The following NCOR2 variants were observed in gnomAD, a reference collection of about 807,000 sequenced individuals.
NCOR2 encodes the protein nuclear receptor corepressor 2, also known as CTG repeat protein 26.
NCOR2 carries 81 observed loss-of-function variants against 262.9 expected under a neutral mutation model. That is an observed-to-expected ratio of 0.31 (90% CI 0.26 to 0.37). NCOR2 has a LOEUF of 0.37. Ranked by LOEUF, NCOR2 falls within the 10% of genes least tolerant of loss-of-function variation. NCOR2 has a pLI of 1.00. For synonymous variants in NCOR2, 1,659 were observed against 1,559.3 expected, an observed-to-expected ratio of 1.06 and a Z score of -1.51; for missense variants, 3,385 against 3,621.4, an observed-to-expected ratio of 0.93 and a Z score of 1.68.
rs1487838492 is a variant in NCOR2, at chr12:124,378,995, AG to A, written c.2020-612del. ...ACAGAAGCAGCACTCAGAGGATCAG[AG>A]GGTCGCGTGGGTGAAACAGGATGGG... On this transcript the variant is annotated intron_variant, in intron 17 of 46. Transcript: ENST00000405201. This position sits in a 1 kb window ranked among gnomAD's most constrained non-coding sequence, Gnocchi z 4.2. Among the ~76,000 whole-genome samples the A allele has an allele frequency of 6.6e-6, 1 of 152,270 alleles. No homozygotes were observed. Among genetic ancestry groups the A allele is most frequent in the African/African-American group, 2.4e-5 (1 of 41,474 alleles).
At chr12:124,532,313 A>T (rs2050844916) in intron 1 of NCOR2, among the ~76,000 whole-genome samples, 1 of 151,912 alleles carries the variant, frequency 6.6e-6, no homozygotes, top group South Asian at 2.1e-4. Context: ...GGCCCCACAG[A>T]GCTGCCAAGT....
At position 124,378,204 on chromosome 12, in the gene NCOR2, T is replaced by G. The variant is rs200581495; in HGVS notation, c.2167+33A>C. On this transcript the variant is annotated intron_variant, in intron 18 of 46. Coordinates refer to ENST00000405201, the Ensembl canonical transcript of NCOR2. This position sits in a 1 kb window ranked among gnomAD's most constrained non-coding sequence, Gnocchi z 4.2. ...CTCCCTCAGAGCTCGGACCCACAGC[T>G]GCCAGCCACCTCCAAGCCGCGCCAG... is the stretch of plus-strand genomic sequence containing the variant. The G allele has an allele frequency of 5.8e-4, 932 of 1,605,108 alleles. No homozygotes were observed. The highest frequency in any genetic ancestry group is 7.2e-4 in the Non-Finnish European group (847 of 1,174,192).
Position 124,457,208 on chromosome 12 carries a change from A to G in NCOR2, c.706-46T>C. 2 of 1,529,806 alleles carry G rather than the reference A, an allele frequency of 1.3e-6. No individual in the cohort carries two copies. Among genetic ancestry groups the G allele is most frequent in the Non-Finnish European group, 1.7e-6 (2 of 1,145,658 alleles). The allele number at this position is 1,529,806 out of a possible 1,614,324, so 94.8% of individuals were successfully genotyped here. On this transcript the variant is annotated intron_variant, in intron 5 of 46. Transcript: ENST00000405201. This position sits in a 1 kb window ranked among gnomAD's most constrained non-coding sequence, Gnocchi z 4.0. Reference sequence around the variant, plus strand: ...GGAGGAATTTTTTTAAAAAACAAAAAAACACAGATTATAAATAGAGGCTTC... The same window carrying G: ...GGAGGAATTTTTTTAAAAAACAAAAGAACACAGATTATAAATAGAGGCTTC...
At position 124,548,667 on chromosome 12, in the gene NCOR2, C is replaced by T. The variant is rs892739235; in HGVS notation, c.-164-13056G>A. 1.2e-4 allele frequency among the ~76,000 whole-genome samples: 18 copies of T among 151,978 alleles called. No individual in the cohort carries two copies. Among genetic ancestry groups the T allele is most frequent in the South Asian group, 4.2e-4 (2 of 4,812 alleles). On this transcript the variant is annotated intron_variant, in intron 1 of 32. Transcript: ENST00000458234. This position sits in a 1 kb window ranked among gnomAD's most constrained non-coding sequence, Gnocchi z 5.1. ...GTTATTTTTTTCTGTGCTGTTAGGG[C>T]GGGGCGGGGGATCTCCATGGCAGGG... is the stretch of plus-strand genomic sequence containing the variant.
rs780940395 is a variant in NCOR2, at chr12:124,350,661, C to T, written c.3770G>A (p.Arg1257His). The change falls in exon 28 of 47, where the codon CGC becomes CAC. Residue 1257 changes from arginine (R) to histidine (H), a missense_variant. Physicochemically the swap from Arg to His is conservative, Grantham distance 29. Coordinates refer to ENST00000405201, the Ensembl canonical transcript of NCOR2. ...CTTGGGCAGGCTGTCCTCCCGGCCG[C>T]GGTCCAAGCGACTCGGGCTGTCCTC... 1.2e-5 allele frequency: 20 copies of T among 1,613,730 alleles called. No homozygotes were observed. In the East Asian group the frequency reaches 1.6e-4, roughly 13 times the overall value.
At chr12:124,445,580 G>T (rs1220145330) in intron 7 of NCOR2, among the ~76,000 whole-genome samples, 1 of 152,194 alleles carries the variant, frequency 6.6e-6, no homozygotes, top group Non-Finnish European at 1.5e-5. Context: ...CCACCTAGAA[G>T]CAATGACAGC....
chr12:124,365,494 A>G (rs2038958359), intron 20 of NCOR2, among the ~76,000 whole-genome samples: 1 of 152,016 alleles, frequency 6.6e-6, no homozygotes, highest in Non-Finnish European at 1.5e-5. Flanking sequence ...CCCTCCTTCA[A>G]TCTCTGCCAT....
exon 38 of NCOR2, chr12:124,336,836 G>A (rs1458550598): frequency 6.2e-7 from 1 of 1,612,692 alleles, no homozygotes; most frequent in Non-Finnish European, 8.5e-7. Context: ...CGAGGCAGGT[G>A]GCGCCGGCGG....
At chr12:124,354,326 C>T in intron 26 of NCOR2, 130 bp from the exon 29 acceptor site, 2 of 1,170,654 alleles carry the variant, frequency 1.7e-6, no homozygotes, top group Non-Finnish European at 2.4e-6. Flanking sequence ...AGGGAGTCCC[C>T]CTACCCCTAA....
chr12:124,508,117 TC>T (rs1372029532), intron 1 of NCOR2, among the ~76,000 whole-genome samples: 3 of 152,170 alleles, frequency 2.0e-5, no homozygotes, highest in Admixed American at 1.3e-4. Context: ...CCCTCCTGCC[TC>T]CCCAACCCAT....
At chr12:124,509,240 G>GGA (rs58086752) in intron 1 of NCOR2, among the ~76,000 whole-genome samples, 2 of 138,486 alleles carry the variant, frequency 1.4e-5, no homozygotes, top group African/African-American at 2.6e-5. Context: ...TTTGGTGGGG[G>GGA]GGGGGGGGGC....
At chr12:124,551,318 A>G (rs1373188068) in intron 1 of NCOR2, among the ~76,000 whole-genome samples, 1 of 152,196 alleles carries the variant, frequency 6.6e-6, no homozygotes, top group African/African-American at 2.4e-5. Context: ...CTACAAAACT[A>G]GCAGTCATAC....
intron 30 of NCOR2, 29 bp downstream of exon 32, chr12:124,347,796 C>T (rs2037070025): frequency 1.3e-6 from 2 of 1,552,036 alleles, no homozygotes; most frequent in South Asian, 1.2e-5. Flanking sequence ...CCGTTGGGGG[C>T]AACGAGGGAG....
chr12:124,390,490 C>T (rs1383160596), intron 16 of NCOR2, among the ~76,000 whole-genome samples: 3 of 146,824 alleles, frequency 2.0e-5, no homozygotes, highest in Non-Finnish European at 3.0e-5. Flanking sequence ...CCCCCCCCGT[C>T]GCCCTGCCAT....
intron 39 of NCOR2, 63 bp from the exon 42 acceptor site, chr12:124,335,343 C>T (rs2135779158): frequency 3.3e-6 from 5 of 1,507,032 alleles, no homozygotes; most frequent in Middle Eastern, 2.4e-4. Context: ...GGGCCCAAAT[C>T]CCAGCCCCAT....
chr12:124,543,428 G>T (rs2051440936), intron 1 of NCOR2, among the ~76,000 whole-genome samples: 1 of 152,230 alleles, frequency 6.6e-6, no homozygotes, highest in East Asian at 1.9e-4. Flanking sequence ...TTTCAGGGGT[G>T]GGGAAACAGA....
Position 124,363,329 on chromosome 12 carries a change from G to T in NCOR2, c.2928+350C>A, listed in dbSNP as rs142971398. On this transcript the variant is annotated intron_variant, in intron 21 of 46. Transcript: ENST00000405201. ...GTGTTCCCAGAGGGCCCCAGGATCA[G>T]AACTGGTAGGCCACCCTTCCCTGGC... Among the ~76,000 whole-genome samples the T allele has an allele frequency of 3.5e-4, 53 of 152,356 alleles. 1 individual carries two copies. The East Asian group carries it at 9.6e-3, about 28-fold the overall frequency.
intron 1 of NCOR2, among the ~76,000 whole-genome samples, chr12:124,511,235 T>C (rs532603146): frequency 1.5e-4 from 23 of 152,136 alleles, no homozygotes; most frequent in African/African-American, 5.3e-4. Flanking sequence ...GTCCCAAATA[T>C]CAGGTAACTG....
At chr12:124,391,338 C>G (rs2041290380) in intron 16 of NCOR2, among the ~76,000 whole-genome samples, 1 of 152,144 alleles carries the variant, frequency 6.6e-6, no homozygotes. Flanking sequence ...GACTCACAGG[C>G]TGCCTGCCAG....
Sources: allele counts gnomAD v4.1 joint callset (sites outside exome capture counted in the v4.1 genomes callset), GRCh38; gene constraint gnomAD v4.1.1; non-coding constraint Gnocchi (gnomAD v3.1); transcripts MANE v1.5; gene names NCBI Gene and HGNC (gene_info 2026-07-23, HGNC 2026-07-21).